The following COL15A1 variants were observed in gnomAD, a reference collection of about 807,000 sequenced individuals.
The protein encoded by COL15A1 is collagen type XV alpha 1 chain, also known as collagen alpha-1(XV) chain.
A neutral mutation model predicts 165.9 loss-of-function variants in COL15A1; 111 were observed. That is an observed-to-expected ratio of 0.67 (90% CI 0.57 to 0.78). The LOEUF (loss-of-function observed/expected upper bound fraction) is 0.78. Ranked by LOEUF, COL15A1 falls within the 30% of genes least tolerant of loss-of-function variation. The pLI, the probability that COL15A1 is intolerant of heterozygous loss-of-function variation, is 0.00. For missense variants in COL15A1, 1,745 were observed against 1,789.7 expected, an observed-to-expected ratio of 0.98 and a Z score of 0.45; for synonymous variants, 659 against 674.8, an observed-to-expected ratio of 0.98 and a Z score of 0.36.
intron 11 of COL15A1, 99 bp downstream of exon 11, chr9:99,016,218 G>A (rs1426642233): frequency 7.0e-7 from 1 of 1,425,088 alleles, no homozygotes; most frequent in African/African-American, 1.4e-5. Context: ...AGCTTTCTCA[G>A]AGGTAGGTTT....
At chr9:98,980,367 G>A (rs1588500099) in intron 2 of COL15A1, among the ~76,000 whole-genome samples, 1 of 152,392 alleles carries the variant, frequency 6.6e-6, no homozygotes, top group South Asian at 2.1e-4. Flanking sequence ...AGGGGAGGGT[G>A]TGGGTGCGGG....
chr9:99,040,322 G>A (rs1230545569), intron 22 of COL15A1, among the ~76,000 whole-genome samples, 199 bp from the exon 23 acceptor site: 1 of 152,050 alleles, frequency 6.6e-6, no homozygotes, highest in East Asian at 1.9e-4. Context: ...TCTCTTCCTT[G>A]CTTTCTTTCC....
Position 99,035,127 on chromosome 9 carries a change from T to A in COL15A1, c.2193T>A (p.Pro731=). 1 of 1,601,910 alleles carries A rather than the reference T, an allele frequency of 6.2e-7. No individual in the cohort carries two copies. Among genetic ancestry groups the A allele is most frequent in the Non-Finnish European group, 8.5e-7 (1 of 1,175,486 alleles). The change falls in exon 18 of 42, where the codon CCT becomes CCA. Residue 731 remains proline, a synonymous_variant. Transcript: ENST00000375001. ...GPPGPPGPPG[P]GCTMGLGFED... is the part of the protein sequence containing the mutation. ...CTGGACCCCCTGGGCCCCCAGGCCC[T>A]GGATGCACAATGGGACTTGGATTCG...
intron 6 of COL15A1, among the ~76,000 whole-genome samples, chr9:99,000,389 G>GTT (rs897797982): frequency 4.2e-4 from 64 of 151,546 alleles, no homozygotes; most frequent in African/African-American, 1.4e-3. Flanking sequence ...ACATGAATAT[G>GTT]TTATATATAT....
chr9:99,023,329 A>AGTCCTTGG (rs1839059056), intron 13 of COL15A1, 28 bp from the exon 14 acceptor site: 1 of 1,578,742 alleles, frequency 6.3e-7, no homozygotes, highest in East Asian at 2.3e-5. Flanking sequence ...AGTTAAATGC[A>AGTCCTTGG]AGTAGTGGAA....
rs140828399 is a variant in COL15A1 at position 98,991,465 on chromosome 9, C to T, written c.804+2207C>T. ...AGCTAGACACAAAAGTTCTCCAAGT[C>T]CCCACTAGATTAGCTAGACACAGAG... On this transcript the variant is annotated intron_variant, in intron 5 of 41. Transcript: ENST00000375001. 1.1e-3 allele frequency among the ~76,000 whole-genome samples: 162 copies of T among 152,112 alleles called. No homozygotes were observed. In the East Asian group the frequency reaches 0.024, roughly 23 times the overall value.
intron 39 of COL15A1, among the ~76,000 whole-genome samples, chr9:99,063,846 A>T (rs1825854970): frequency 6.6e-6 from 1 of 152,156 alleles, no homozygotes; most frequent in Non-Finnish European, 1.5e-5. Flanking sequence ...ATTAAAGATG[A>T]GAAAGGTCAA....
chr9:99,028,870 A>G (rs926287665), intron 16 of COL15A1, among the ~76,000 whole-genome samples: 2 of 152,224 alleles, frequency 1.3e-5, no homozygotes, highest in African/African-American at 4.8e-5. Flanking sequence ...TTTTTAAATG[A>G]TACCTCAAAA....
chr9:99,023,615 A>G (rs1440403698), intron 14 of COL15A1, among the ~76,000 whole-genome samples, 166 bp downstream of exon 14: 2 of 152,138 alleles, frequency 1.3e-5, no homozygotes, highest in South Asian at 2.1e-4. Flanking sequence ...GCTTGTATAT[A>G]TGTTTGAAAT....
At position 99,020,446 on chromosome 9, in the gene COL15A1, TG is replaced by T; in HGVS notation, c.1701+5del. The T allele has an allele frequency of 6.2e-7, 1 of 1,607,408 alleles. No individual in the cohort carries two copies. Among genetic ancestry groups the T allele is most frequent in the Non-Finnish European group, 8.5e-7 (1 of 1,173,852 alleles). On this transcript the variant is annotated splice_donor_5th_base_variant and intron_variant, in intron 12 of 41. Coordinates refer to ENST00000375001, the MANE Select transcript of COL15A1 (RefSeq NM_001855.5). The stretch of plus-strand genomic sequence containing the variant: ...GGCTGGGCCCAAAGGAGAAAAGGTT[TG>T]TGCTGTGACCATCCTGGGGAACACT...
At chr9:99,050,469 A>G (rs973084111) in intron 30 of COL15A1, among the ~76,000 whole-genome samples, 1 of 152,196 alleles carries the variant, frequency 6.6e-6, no homozygotes, top group Non-Finnish European at 1.5e-5. Context: ...CAGCAGGTGC[A>G]GACACTGGGA....
chr9:98,961,278 A>G lies in COL15A1; in HGVS notation c.100+17028A>G, dbSNP rs1267507665. Among the ~76,000 whole-genome samples, 4 of 152,360 alleles carry G rather than the reference A, an allele frequency of 2.6e-5. No individual in the cohort carries two copies. The East Asian group carries it at 7.7e-4, about 29-fold the overall frequency. On this transcript the variant is annotated intron_variant, in intron 2 of 41. Coordinates refer to ENST00000375001, the MANE Select transcript of COL15A1 (RefSeq NM_001855.5). ...AGGATCCTATAGTCTAATGGGGGAC[A>G]TTGATGCTAAATAAAGGATTGTACA...
intron 23 of COL15A1, 147 bp downstream of exon 23, chr9:99,040,703 G>A: frequency 6.9e-7 from 1 of 1,446,254 alleles, no homozygotes; most frequent in African/African-American, 1.4e-5. Flanking sequence ...ATTTTTGATA[G>A]ATATGGGGTT....
intron 17 of COL15A1, 86 bp from the exon 18 acceptor site, chr9:99,034,928 G>T: frequency 8.5e-7 from 1 of 1,170,342 alleles, no homozygotes; most frequent in Non-Finnish European, 1.3e-6. Flanking sequence ...TAACTTCAAG[G>T]AGTGATTTTC....
At chr9:99,008,856 T>G (rs1352639951) in intron 9 of COL15A1, among the ~76,000 whole-genome samples, 1 of 152,188 alleles carries the variant, frequency 6.6e-6, no homozygotes, top group African/African-American at 2.4e-5. Context: ...ATGATCCACC[T>G]GCCTCAGCCT....
intron 9 of COL15A1, among the ~76,000 whole-genome samples, chr9:99,008,020 T>C (rs556641418): frequency 5.3e-5 from 8 of 152,344 alleles, no homozygotes; most frequent in South Asian, 2.1e-4. Flanking sequence ...AGAAAAATCA[T>C]AGGACAATTT....
At chr9:99,068,698 T>C (rs1825936233) in intron 41 of COL15A1, 28 bp downstream of exon 41, 1 of 1,313,396 alleles carries the variant, frequency 7.6e-7, no homozygotes, top group Non-Finnish European at 1.1e-6. Context: ...TTCTCAGATA[T>C]GGTGTGATAG....
In COL15A1 at chr9:98,964,985, C is replaced by T. The variant is rs146335469; in HGVS notation, c.101-20580C>T. 5.0e-3 allele frequency among the ~76,000 whole-genome samples: 767 copies of T among 152,310 alleles called. 1 individual carries two copies. Among genetic ancestry groups the T allele is most frequent in the Non-Finnish European group, 7.9e-3 (536 of 68,026 alleles). On this transcript the variant is annotated intron_variant, in intron 2 of 41. Transcript: ENST00000375001. ...ATTCACACAAGCTCATCTGTTGGGA[C>T]GCCCCGGGCTGTTCCCAGGGCAGCT...
At position 99,047,856 on chromosome 9, in the gene COL15A1, A is replaced by G; in HGVS notation, c.2733+17A>G. 2 of 1,613,662 alleles carry G rather than the reference A, an allele frequency of 1.2e-6. No homozygotes were observed. The highest frequency in any genetic ancestry group is 1.7e-6 in the Non-Finnish European group (2 of 1,179,786). On this transcript the variant is annotated intron_variant, in intron 27 of 41. Transcript: ENST00000375001. ...GGGCGACCTGTAGGTATCAGTGTTC[A>G]TTGGACAGGCTGGAGGGGGAGGACA...
Sources: allele counts gnomAD v4.1 joint callset (sites outside exome capture counted in the v4.1 genomes callset), GRCh38; gene constraint gnomAD v4.1.1; transcripts MANE v1.5; gene names NCBI Gene and HGNC (gene_info 2026-07-23, HGNC 2026-07-21).